The following CNBD1 variants were observed in gnomAD, a reference collection of about 807,000 sequenced individuals.
CNBD1 encodes cyclic nucleotide-binding domain-containing protein 1.
In CNBD1, 71 loss-of-function variants were observed where a neutral mutation model predicts 54.4. The observed-to-expected ratio is 1.30, with a 90% CI of 1.08 to 1.59. The LOEUF (loss-of-function observed/expected upper bound fraction) is 1.59, where lower values mean the gene tolerates loss of function less well. CNBD1 is among the 40% of genes most tolerant of loss of function. The pLI, the probability that CNBD1 is intolerant of heterozygous loss-of-function variation, is 0.00. For missense variants in CNBD1, 659 were observed against 518.0 expected (o/e 1.27, Z -2.64); for synonymous variants, 182 against 170.7 (o/e 1.07, Z -0.51).
intron 2 of CNBD1, among the ~76,000 whole-genome samples, chr8:87,423,409 G>A (rs1365447331): frequency 6.6e-6 from 1 of 151,336 alleles, no homozygotes; most frequent in East Asian, 1.9e-4. Flanking sequence ...ATTGGCTGTG[G>A]GTTTGTCACA....
Position 86,935,021 on chromosome 8 carries a change from A to G in CNBD1, c.273-4575A>G, listed in dbSNP as rs796469986. ...AGCATTTGGGTTTGTTTGTTTGTTT[A>G]TTTATTTATTTATTTATTTATTTAT... On this transcript the variant is annotated intron_variant, in intron 3 of 10. Coordinates refer to ENST00000518476, the MANE Select transcript of CNBD1 (RefSeq NM_173538.3). 6.6e-3 allele frequency among the ~76,000 whole-genome samples: 263 copies of G among 39,868 alleles called. 2 individuals are homozygous for G. The highest frequency in any genetic ancestry group is 0.018 in the East Asian group (17 of 930). 26.2% of individuals were successfully genotyped at this position (39,868 alleles called of 152,430 possible).
intron 8 of CNBD1, among the ~76,000 whole-genome samples, chr8:87,328,954 A>G (rs1225383372): frequency 6.6e-6 from 1 of 152,038 alleles, no homozygotes; most frequent in African/African-American, 2.4e-5. Context: ...TTCTTTTTGT[A>G]TAGTCATTAC....
intron 8 of CNBD1, among the ~76,000 whole-genome samples, chr8:87,325,896 T>C (rs1236206661): frequency 7.6e-6 from 1 of 131,816 alleles, no homozygotes; most frequent in Non-Finnish European, 1.7e-5. Context: ...TTCTTCCTAG[T>C]CTCGATGGTC....
At chr8:86,981,333 C>T (rs1808483140) in intron 4 of CNBD1, among the ~76,000 whole-genome samples, 1 of 152,114 alleles carries the variant, frequency 6.6e-6, no homozygotes, top group South Asian at 2.1e-4. Context: ...TATATTTTCC[C>T]CAAATTTCTG....
At chr8:87,340,107 A>T (rs1016566500) in intron 8 of CNBD1, among the ~76,000 whole-genome samples, 1 of 152,154 alleles carries the variant, frequency 6.6e-6, no homozygotes, top group Non-Finnish European at 1.5e-5. Context: ...CTTTGTCTGG[A>T]AACATCCCTC....
chr8:87,122,823 C>T (rs906963989), intron 4 of CNBD1, among the ~76,000 whole-genome samples: 82 of 151,830 alleles, frequency 5.4e-4, no homozygotes, highest in African/African-American at 1.9e-3. Flanking sequence ...AGTGTTTTTC[C>T]CCATTTTGTA....
At chr8:87,274,707 C>T (rs1253910846) in intron 6 of CNBD1, among the ~76,000 whole-genome samples, 1 of 133,438 alleles carries the variant, frequency 7.5e-6, no homozygotes, top group Non-Finnish European at 1.6e-5. Flanking sequence ...AATTTTCTCC[C>T]ATTCTGTAGG....
At chr8:87,027,172 A>C (rs759475365) in intron 4 of CNBD1, among the ~76,000 whole-genome samples, 1 of 122,446 alleles carries the variant, frequency 8.2e-6, no homozygotes, top group Non-Finnish European at 1.6e-5. Flanking sequence ...CAAACTCACC[A>C]GTTTAGAGGC....
chr8:86,883,142 C>G (rs1433462580), intron 1 of CNBD1, among the ~76,000 whole-genome samples: 1 of 151,202 alleles, frequency 6.6e-6, no homozygotes, highest in African/African-American at 2.4e-5. Context: ...ACCTATATAA[C>G]AAAACTGCAC....
At chr8:87,131,867 T>G (rs983593219) in intron 4 of CNBD1, among the ~76,000 whole-genome samples, 4 of 152,038 alleles carry the variant, frequency 2.6e-5, no homozygotes, top group African/African-American at 9.7e-5. Context: ...CTCTCTTCAT[T>G]GAAAAAGACT....
chr8:87,337,628 TGTTG>T (rs1037423702), intron 8 of CNBD1, among the ~76,000 whole-genome samples: 8 of 152,208 alleles, frequency 5.3e-5, no homozygotes, highest in African/African-American at 1.9e-4. Context: ...TCTTCCAATC[TGTTG>T]GTTGCACACT....
At chr8:86,913,245 C>CCAGA (rs1809131414) in intron 3 of CNBD1, among the ~76,000 whole-genome samples, 1 of 152,100 alleles carries the variant, frequency 6.6e-6, no homozygotes, top group Non-Finnish European at 1.5e-5. Context: ...ACTGACTCAC[C>CCAGA]CAGAGCAACT....
intron 1 of CNBD1, among the ~76,000 whole-genome samples, chr8:86,873,885 C>A (rs762921725): frequency 2.6e-5 from 4 of 152,006 alleles, no homozygotes; most frequent in Admixed American, 6.5e-5. Flanking sequence ...TTTGACATTC[C>A]GTCATCCCCA....
chr8:86,952,707 A>G (rs1276531458), intron 4 of CNBD1, among the ~76,000 whole-genome samples: 1 of 152,144 alleles, frequency 6.6e-6, no homozygotes, highest in African/African-American at 2.4e-5. Context: ...TGATACATGT[A>G]TAAAGGTGTG....
intron 4 of CNBD1, among the ~76,000 whole-genome samples, chr8:87,169,074 A>G (rs1813030788): frequency 6.6e-6 from 1 of 151,896 alleles, no homozygotes; most frequent in African/African-American, 2.4e-5. Context: ...CCTTTTCTCC[A>G]TGTCCTCACC....
intron 5 of CNBD1, among the ~76,000 whole-genome samples, chr8:87,232,425 G>T (rs568682798): frequency 6.6e-6 from 1 of 152,188 alleles, no homozygotes; most frequent in African/African-American, 2.4e-5. Flanking sequence ...TCACATCTAT[G>T]CCAATATTTG....
chr8:87,270,686 T>C (rs1808345184), intron 6 of CNBD1, among the ~76,000 whole-genome samples: 1 of 151,882 alleles, frequency 6.6e-6, no homozygotes, highest in Non-Finnish European at 1.5e-5. Flanking sequence ...GTAGTTTCTT[T>C]ATTTTTAAAA....
At chr8:87,371,537 A>C (rs1299329709) in intron 10 of CNBD1, among the ~76,000 whole-genome samples, 1 of 152,004 alleles carries the variant, frequency 6.6e-6, no homozygotes, top group Non-Finnish European at 1.5e-5. Flanking sequence ...ACAACCAAAA[A>C]AGAGAATTTT....
At chr8:87,232,251 T>A (rs559368887) in intron 5 of CNBD1, among the ~76,000 whole-genome samples, 23 of 152,278 alleles carry the variant, frequency 1.5e-4, no homozygotes, top group African/African-American at 3.8e-4. Flanking sequence ...GTACAAGTCC[T>A]TTTTGGACAT....
Sources: allele counts gnomAD v4.1 joint callset (sites outside exome capture counted in the v4.1 genomes callset), GRCh38; gene constraint gnomAD v4.1.1; transcripts MANE v1.5; gene names NCBI Gene and HGNC (gene_info 2026-07-23, HGNC 2026-07-21).